Variants in TRAPPC8 observed in about 807,000 individuals in gnomAD.
The protein encoded by TRAPPC8 is trafficking protein particle complex subunit 8, also known as general sporulation gene 1 homolog.
Under a neutral mutation model 174.3 loss-of-function variants are expected in TRAPPC8, and 54 were observed. That is an observed-to-expected ratio of 0.31 (90% confidence interval 0.25 to 0.39). TRAPPC8 has a LOEUF of 0.39. Among genes scored for constraint, TRAPPC8 ranks in the 10% least tolerant of loss-of-function variants. The probability of loss-of-function intolerance (pLI) is 1.00; values close to 1 mark genes in which losing one functional copy is unlikely to be tolerated. For synonymous variants in TRAPPC8, 630 were observed against 579.9 expected (o/e 1.09, Z -1.24); for missense variants, 1,531 against 1,699.1 (o/e 0.90, Z 1.74).
intron 25 of TRAPPC8, among the ~76,000 whole-genome samples, chr18:31,848,442 C>T (rs977239325): frequency 1.4e-4 from 22 of 152,096 alleles, no homozygotes; most frequent in Admixed American, 2.0e-4. Context: ...TGCCAAAGAT[C>T]GTTATACACT....
intron 26 of TRAPPC8, among the ~76,000 whole-genome samples, chr18:31,843,949 A>G (rs1422701717): frequency 6.6e-6 from 1 of 152,216 alleles, no homozygotes; most frequent in Admixed American, 6.5e-5. Flanking sequence ...CTTACAGAGT[A>G]TGAGGACCAA....
At chr18:31,897,275 T>A (rs77824097) in intron 11 of TRAPPC8, among the ~76,000 whole-genome samples, 9,066 of 152,272 alleles carry the variant, frequency 0.06, 288 homozygotes, top group Middle Eastern at 0.11. Flanking sequence ...AATGAATTAC[T>A]TTTTTCTCTT....
chr18:31,875,259 C>T (rs1308745082), intron 12 of TRAPPC8, among the ~76,000 whole-genome samples: 2 of 151,390 alleles, frequency 1.3e-5, no homozygotes, highest in African/African-American at 2.4e-5. Flanking sequence ...CGATCAGAGA[C>T]TTACATTGAA....
At chr18:31,900,564 C>G (rs183898324) in intron 10 of TRAPPC8, among the ~76,000 whole-genome samples, 40 of 152,258 alleles carry the variant, frequency 2.6e-4, no homozygotes, top group African/African-American at 9.4e-4. Flanking sequence ...TTATAGGGTT[C>G]CAACAGAAAG....
intron 19 of TRAPPC8, 129 bp downstream of exon 19, chr18:31,864,498 C>A (rs961312401): frequency 2.4e-6 from 2 of 840,520 alleles, no homozygotes; most frequent in South Asian, 4.5e-5. Context: ...ATATTTAACA[C>A]TAGCTTAATA....
intron 9 of TRAPPC8, among the ~76,000 whole-genome samples, chr18:31,905,984 A>G (rs1174328250): frequency 1.3e-5 from 2 of 152,152 alleles, no homozygotes; most frequent in Non-Finnish European, 2.9e-5. Flanking sequence ...GACTATAATG[A>G]GCAATCAGAG....
intron 27 of TRAPPC8, among the ~76,000 whole-genome samples, chr18:31,838,375 C>T (rs887811849): frequency 6.6e-6 from 1 of 152,188 alleles, no homozygotes; most frequent in African/African-American, 2.4e-5. Flanking sequence ...TTCTTTAGCG[C>T]AAAGCAAATC....
intron 22 of TRAPPC8, chr18:31,852,868 T>G: frequency 1.8e-6 from 1 of 554,870 alleles, no homozygotes; most frequent in Non-Finnish European, 3.2e-6. Context: ...CATATCCATG[T>G]GTGCACATGT....
Position 31,942,928 on chromosome 18 carries a change from G to C in TRAPPC8, c.-164C>G, listed in dbSNP as rs1256099096. 1 of 1,228,594 alleles carries C rather than the reference G, an allele frequency of 8.1e-7. No homozygotes were observed. The highest frequency in any genetic ancestry group is 1.0e-6 in the Non-Finnish European group (1 of 982,296). 76.1% of individuals were successfully genotyped at this position (1,228,594 alleles called of 1,614,324 possible). Reference sequence around the variant, plus strand: ...AGAAGGAACAGACGCCGCCGCTTCGGTTTCTGGGGCACAATCCACTGACCC... The same window carrying C: ...AGAAGGAACAGACGCCGCCGCTTCGCTTTCTGGGGCACAATCCACTGACCC... On this transcript the variant is annotated 5_prime_UTR_variant, in exon 1 of 29. Coordinates refer to ENST00000283351, the MANE Select transcript of TRAPPC8 (RefSeq NM_014939.5).
chr18:31,867,339 T>A, intron 17 of TRAPPC8, 63 bp downstream of exon 17: 3 of 1,137,692 alleles, frequency 2.6e-6, no homozygotes, highest in Non-Finnish European at 2.6e-6. Flanking sequence ...AAAGATTATT[T>A]AAAAATTTGT....
chr18:31,848,589 T>A (rs890058957), intron 25 of TRAPPC8, among the ~76,000 whole-genome samples: 1 of 152,152 alleles, frequency 6.6e-6, no homozygotes, highest in African/African-American at 2.4e-5. Context: ...ACATGCAAAG[T>A]CAGCTTGGTT....
At chr18:31,890,677 A>C (rs2035914551) in intron 12 of TRAPPC8, 58 bp downstream of exon 12, 1 of 1,550,602 alleles carries the variant, frequency 6.4e-7, no homozygotes, top group African/African-American at 1.4e-5. Context: ...AAAATGGACA[A>C]ATGACACACA....
chr18:31,856,896 T>C (rs888395609), intron 20 of TRAPPC8, among the ~76,000 whole-genome samples: 7 of 150,900 alleles, frequency 4.6e-5, no homozygotes, highest in East Asian at 1.9e-4. Context: ...TCTGTAGTCT[T>C]GACTTCCTGG....
intron 1 of TRAPPC8, 132 bp from the exon 2 acceptor site, chr18:31,931,655 C>T (rs2037851129): frequency 1.6e-6 from 1 of 609,650 alleles, no homozygotes; most frequent in African/African-American, 1.9e-5. Context: ...GAACGTTCTT[C>T]CAGAAATATA....
chr18:31,916,374 C>T lies in TRAPPC8; in HGVS notation c.515G>A (p.Arg172Gln), dbSNP rs201741478. ...QFSKLSQEQH[R>Q]IQHNSDYSYP... ...GGAATAATCACTGTTGTGCTGAATTCGATGCTGTTCTTGTGACAACTTTGA... is the reference window on the plus strand; with the variant it reads ...GGAATAATCACTGTTGTGCTGAATTTGATGCTGTTCTTGTGACAACTTTGA... Residue 172 changes from arginine (R) to glutamine (Q), a missense_variant, in exon 4 of 29, where the codon CGA (arginine) becomes CAA (glutamine). By Grantham distance (43) the Arg-to-Gln change is conservative. Transcript: ENST00000283351. 9.9e-6 allele frequency: 16 copies of T among 1,613,812 alleles called. No individual in the cohort carries two copies. In the East Asian group the frequency reaches 1.6e-4, roughly 16 times the overall value.
intron 14 of TRAPPC8, among the ~76,000 whole-genome samples, chr18:31,873,146 T>G (rs541103036): frequency 6.6e-6 from 1 of 151,144 alleles, no homozygotes; most frequent in Non-Finnish European, 1.5e-5. Flanking sequence ...GCCTCTTGAG[T>G]TGATGGGACT....
intron 1 of TRAPPC8, among the ~76,000 whole-genome samples, chr18:31,941,268 C>G (rs1046440227): frequency 3.3e-5 from 5 of 152,060 alleles, no homozygotes; most frequent in Non-Finnish European, 7.3e-5. Flanking sequence ...CATGGAGAAA[C>G]CCTGTCTCTA....
chr18:31,874,547 A>AT lies in TRAPPC8; in HGVS notation c.1885dup (p.Ile629AsnfsTer2). ...AGCAGCAGATTGTTTACTTTCATTA[A>AT]TTAGAATATGCCTAAAAGCAGACAC... On this transcript the variant is annotated frameshift_variant, in exon 13 of 29. Transcript: ENST00000283351. LOFTEE classifies it high-confidence loss of function. The AT allele has an allele frequency of 6.2e-7, 1 of 1,614,154 alleles. No individual in the cohort carries two copies. The highest frequency in any genetic ancestry group is 8.5e-7 in the Non-Finnish European group (1 of 1,180,008).
At chr18:31,917,747 C>A (rs980719423) in intron 2 of TRAPPC8, 80 bp from the exon 3 acceptor site, 1 of 1,318,886 alleles carries the variant, frequency 7.6e-7, no homozygotes, top group African/African-American at 1.5e-5. Context: ...AGTCCATATT[C>A]CTAAAAGGTA....
Sources: allele counts gnomAD v4.1 joint callset (sites outside exome capture counted in the v4.1 genomes callset), GRCh38; gene constraint gnomAD v4.1.1; transcripts MANE v1.5; gene names NCBI Gene and HGNC (gene_info 2026-07-23, HGNC 2026-07-21).